The following IFT56 variants were observed in gnomAD, a reference collection of about 807,000 sequenced individuals.
IFT56 encodes intraflagellar transport protein 56.
the IFT56 span, among the ~76,000 whole-genome samples, chr7:139,159,142 T>C: frequency 2.6e-5 from 4 of 152,172 alleles, no homozygotes; most frequent in Non-Finnish European, 4.4e-5. Context: ...AGGTACCATA[T>C]GTTTCTATTT....
chr7:139,147,041 A>T, the IFT56 span: 1 of 1,558,404 alleles, frequency 6.4e-7, no homozygotes, highest in Non-Finnish European at 8.7e-7. Flanking sequence ...GAGAGACACA[A>T]TGGCTAAAGA....
chr7:139,142,174 T>C, the IFT56 span: 3 of 1,424,010 alleles, frequency 2.1e-6, no homozygotes, highest in East Asian at 2.3e-5. Flanking sequence ...TTTGGGAAGA[T>C]TCATCCGAGT....
chr7:139,134,797 T>C, the IFT56 span: 9 of 1,612,324 alleles, frequency 5.6e-6, no homozygotes, highest in Non-Finnish European at 7.6e-6. Context: ...TTGGAGGTAA[T>C]GCCCAAAGAA....
chr7:139,157,307 C>T, the IFT56 span, among the ~76,000 whole-genome samples: 12 of 151,498 alleles, frequency 7.9e-5, no homozygotes, highest in Non-Finnish European at 1.8e-4. Context: ...CCACCACACC[C>T]TGCTAATCTT....
chr7:139,178,153 T>G, the IFT56 span: 1 of 1,167,136 alleles, frequency 8.6e-7, no homozygotes, highest in African/African-American at 1.5e-5. Context: ...AACTCAAACT[T>G]CAGCTAAAGA....
the IFT56 span, among the ~76,000 whole-genome samples, chr7:139,184,468 T>G: frequency 6.6e-6 from 1 of 152,218 alleles, no homozygotes; most frequent in Non-Finnish European, 1.5e-5. Flanking sequence ...TACTGTTTGC[T>G]TTCATATATG....
At chr7:139,182,087 G>T in the IFT56 span, among the ~76,000 whole-genome samples, 1 of 151,958 alleles carries the variant, frequency 6.6e-6, no homozygotes, top group Non-Finnish European at 1.5e-5. Flanking sequence ...TGCATGCTGG[G>T]GTGTGTGTGT....
the IFT56 span, among the ~76,000 whole-genome samples, chr7:139,163,034 C>T: frequency 6.7e-6 from 1 of 150,034 alleles, no homozygotes; most frequent in South Asian, 2.1e-4. Flanking sequence ...GTGCTTTACA[C>T]AGTATGCATT....
At chr7:139,147,739 A>T in the IFT56 span, among the ~76,000 whole-genome samples, 1 of 152,240 alleles carries the variant, frequency 6.6e-6, no homozygotes, top group African/African-American at 2.4e-5. Context: ...CTTGCTGACA[A>T]AATTAGATAC....
chr7:139,135,008 C>T, the IFT56 span, among the ~76,000 whole-genome samples: 3 of 152,136 alleles, frequency 2.0e-5, no homozygotes, highest in Admixed American at 6.5e-5. Context: ...TGGCCGGGCG[C>T]GGTGGCTCAT....
chr7:139,136,228 T>C, the IFT56 span, among the ~76,000 whole-genome samples: 2 of 152,082 alleles, frequency 1.3e-5, no homozygotes, highest in African/African-American at 2.4e-5. Flanking sequence ...CCCGGCCTAG[T>C]TTGCCTTCTT....
chr7:139,160,094 T>C, the IFT56 span, among the ~76,000 whole-genome samples: 1 of 152,102 alleles, frequency 6.6e-6, no homozygotes, highest in Non-Finnish European at 1.5e-5. Context: ...GGAATTGTAC[T>C]GTGGACAAGA....
At chr7:139,146,030 G>A in the IFT56 span, among the ~76,000 whole-genome samples, 1 of 151,890 alleles carries the variant, frequency 6.6e-6, no homozygotes, top group African/African-American at 2.4e-5. Flanking sequence ...GTGTATATAT[G>A]TGTATATTTA....
chr7:139,172,644 C>T, the IFT56 span: 2 of 606,992 alleles, frequency 3.3e-6, no homozygotes, highest in Non-Finnish European at 6.5e-6. Context: ...TTCAACAAAG[C>T]CTTCAGATTT....
the IFT56 span, among the ~76,000 whole-genome samples, chr7:139,137,408 G>A: frequency 1.3e-5 from 2 of 152,222 alleles, no homozygotes; most frequent in Non-Finnish European, 2.9e-5. Context: ...CAAGTGGGAA[G>A]TTAAATGCAG....
the IFT56 span, chr7:139,142,177 A>C: frequency 3.7e-5 from 54 of 1,448,254 alleles, no homozygotes; most frequent in African/African-American, 6.7e-4. Flanking sequence ...GGGAAGATTC[A>C]TCCGAGTCTC....
the IFT56 span, chr7:139,147,001 A>G: frequency 6.5e-7 from 1 of 1,531,138 alleles, no homozygotes; most frequent in African/African-American, 1.4e-5. Context: ...GAAGTAGAAG[A>G]CAAAGAACCT....
the IFT56 span, among the ~76,000 whole-genome samples, chr7:139,150,457 T>C: frequency 6.6e-6 from 1 of 152,238 alleles, no homozygotes; most frequent in Non-Finnish European, 1.5e-5. Flanking sequence ...ATCTATAGTA[T>C]ACACCTAGAA....
At chr7:139,178,112 G>T in the IFT56 span, 1 of 794,864 alleles carries the variant, frequency 1.3e-6, no homozygotes, top group Non-Finnish European at 2.0e-6. Flanking sequence ...AAGATATTTT[G>T]GAATATTTTC....
Sources: allele counts gnomAD v4.1 joint callset (sites outside exome capture counted in the v4.1 genomes callset), GRCh38; gene constraint gnomAD v4.1.1; transcripts MANE v1.5; gene names NCBI Gene and HGNC (gene_info 2026-07-23, HGNC 2026-07-21).